Variants in AJAP1 observed in about 807,000 individuals in gnomAD.
AJAP1 encodes the protein adherens junction-associated protein 1.
In AJAP1, 5 loss-of-function variants were observed where a neutral mutation model predicts 35.0. The ratio of observed to expected loss-of-function variants is 0.14; its 90% CI spans 0.07 to 0.30. The LOEUF (loss-of-function observed/expected upper bound fraction) is 0.30. Among genes scored for constraint, AJAP1 ranks in the 10% least tolerant of loss-of-function variants. AJAP1 has a pLI of 1.00. For synonymous variants in AJAP1, 284 were observed against 249.3 expected, an observed-to-expected ratio of 1.14 and a Z score of -1.31; for missense variants, 586 against 571.0, an observed-to-expected ratio of 1.03 and a Z score of -0.27.
intron 2 of AJAP1, among the ~76,000 whole-genome samples, chr1:4,767,414 A>C (rs1305112759): frequency 6.7e-6 from 1 of 149,646 alleles, no homozygotes; most frequent in Non-Finnish European, 1.5e-5. Context: ...ACCACCACCA[A>C]CATCATCGTT....
At chr1:4,667,390 C>G (rs1047361986) in intron 1 of AJAP1, among the ~76,000 whole-genome samples, 7 of 152,198 alleles carry the variant, frequency 4.6e-5, no homozygotes, top group African/African-American at 1.7e-4. Context: ...TGGGGACCTT[C>G]TCACCTTACA....
intron 2 of AJAP1, among the ~76,000 whole-genome samples, chr1:4,748,320 A>G (rs1641239690): frequency 6.6e-6 from 1 of 152,038 alleles, no homozygotes; most frequent in South Asian, 2.1e-4. Flanking sequence ...TACATGCATG[A>G]TCTCCTGTTA....
intron 1 of AJAP1, among the ~76,000 whole-genome samples, chr1:4,662,248 C>T (rs1001647026): frequency 1.3e-5 from 2 of 152,186 alleles, no homozygotes; most frequent in Non-Finnish European, 2.9e-5. Context: ...TAGCAATCCC[C>T]GTTCCTGCCT....
At position 4,666,806 on chromosome 1, in the gene AJAP1, C is replaced by T. The variant is rs138431389; in HGVS notation, c.29+11352C>T. On this transcript the variant is annotated intron_variant, in intron 1 of 5. Coordinates refer to ENST00000378191, the MANE Select transcript of AJAP1 (RefSeq NM_018836.4). ...GGGCCCGTGAATCACGGAAGGGTTG[C>T]GGAGAGGGGCCCATGAATCACGGAG... Among the ~76,000 whole-genome samples the T allele has an allele frequency of 6.8e-3, 901 of 132,594 alleles. 39 individuals carry two copies. The highest frequency in any genetic ancestry group is 0.024 in the African/African-American group (799 of 32,822). 87.0% of individuals were successfully genotyped at this position (132,594 alleles called of 152,430 possible).
rs1268304461 is a variant in AJAP1, at chr1:4,656,022, C to T, written c.29+568C>T. Among the ~76,000 whole-genome samples, 3 of 152,032 alleles carry T rather than the reference C, an allele frequency of 2.0e-5. No homozygotes were observed. Among genetic ancestry groups the T allele is most frequent in the East Asian group, 1.9e-4 (1 of 5,146 alleles). On this transcript the variant is annotated intron_variant, in intron 1 of 5. Coordinates refer to ENST00000378191, the MANE Select transcript of AJAP1 (RefSeq NM_018836.4). The surrounding 1 kb of genome is among the most constrained non-coding windows in gnomAD (Gnocchi z 5.7). The stretch of plus-strand genomic sequence containing the variant: ...GACCCAGCTGTTTGCGGGTGACCTC[C>T]GGGCCCGACGGGCGCTCACAGCTGG...
chr1:4,669,227 G>A (rs976314469), intron 1 of AJAP1, among the ~76,000 whole-genome samples: 1 of 152,124 alleles, frequency 6.6e-6, no homozygotes, highest in Non-Finnish European at 1.5e-5. Context: ...CGTCCCCCTG[G>A]AAACCACTTA....
At chr1:4,669,165 G>T (rs1284141798) in intron 1 of AJAP1, among the ~76,000 whole-genome samples, 3 of 152,114 alleles carry the variant, frequency 2.0e-5, no homozygotes, top group Admixed American at 6.5e-5. Flanking sequence ...TTAGTTCCAA[G>T]ACCTTTTCAT....
At position 4,775,533 on chromosome 1, in the gene AJAP1, G is replaced by A. The variant is rs893486918; in HGVS notation, c.*59+975G>A. 5.9e-5 allele frequency among the ~76,000 whole-genome samples: 9 copies of A among 152,290 alleles called. 1 individual carries two copies. The highest frequency in any genetic ancestry group is 5.8e-4 in the East Asian group (3 of 5,174). On this transcript the variant is annotated intron_variant, in intron 5 of 5. Coordinates refer to ENST00000378191, the MANE Select transcript of AJAP1 (RefSeq NM_018836.4). ...ATGGACAAAGTCCTCAGGGGCCCGC[G>A]GACAGGGAAGGTCTGGAGGACTCAG... is the stretch of plus-strand genomic sequence containing the variant.
rs945274658 is a variant in AJAP1 at position 4,656,378 on chromosome 1, C to A, written c.29+924C>A. Among the ~76,000 whole-genome samples the A allele has an allele frequency of 6.6e-6, 1 of 152,190 alleles. No homozygotes were observed. The highest frequency in any genetic ancestry group is 1.5e-5 in the Non-Finnish European group (1 of 68,040). On this transcript the variant is annotated intron_variant, in intron 1 of 5. Coordinates refer to ENST00000378191, the MANE Select transcript of AJAP1 (RefSeq NM_018836.4). The surrounding 1 kb of genome is among the most constrained non-coding windows in gnomAD (Gnocchi z 5.7). ...CTCCTGCCGGGGCATTCACCGAGCTCGTGCATTTGGGTCCCGGGTTGGAAC... is the reference window on the plus strand; with the variant it reads ...CTCCTGCCGGGGCATTCACCGAGCTAGTGCATTTGGGTCCCGGGTTGGAAC...
chr1:4,675,848 C>T (rs16839447), intron 1 of AJAP1, among the ~76,000 whole-genome samples: 4,835 of 152,248 alleles, frequency 0.032, 261 homozygotes, highest in East Asian at 0.25. Flanking sequence ...ATGGTGTGGG[C>T]GGAAATTTTA....
Position 4,689,720 on chromosome 1 carries a change from C to T in AJAP1, c.30-22180C>T, listed in dbSNP as rs376372982. Among the ~76,000 whole-genome samples the T allele has an allele frequency of 7.9e-5, 12 of 152,344 alleles. No homozygotes were observed. The South Asian group carries it at 1.9e-3, about 24-fold the overall frequency. ...GAGTCATGAGCATCCGGCATGAGCA[C>T]GAGCGTGAACCCGCTTTCAAGCTGT... On this transcript the variant is annotated intron_variant, in intron 1 of 5. Coordinates refer to ENST00000378191, the MANE Select transcript of AJAP1 (RefSeq NM_018836.4).
intron 1 of AJAP1, among the ~76,000 whole-genome samples, chr1:4,674,717 A>G (rs1046035804): frequency 1.3e-5 from 2 of 152,070 alleles, no homozygotes; most frequent in Non-Finnish European, 2.9e-5. Flanking sequence ...AAGCTCTCAG[A>G]GCTCTAGTTC....
At chr1:4,701,306 G>A (rs1391529949) in intron 1 of AJAP1, among the ~76,000 whole-genome samples, 3 of 152,220 alleles carry the variant, frequency 2.0e-5, no homozygotes, top group African/African-American at 7.2e-5. Context: ...CAGGTGTACA[G>A]GTGGGAAAAC....
At chr1:4,713,319 G>T (rs1329978259) in intron 2 of AJAP1, among the ~76,000 whole-genome samples, 1 of 152,220 alleles carries the variant, frequency 6.6e-6, no homozygotes, top group Non-Finnish European at 1.5e-5. Flanking sequence ...GCACCTTTCG[G>T]CTCCCTGGGG....
At chr1:4,725,145 G>T (rs1223893612) in intron 2 of AJAP1, among the ~76,000 whole-genome samples, 1 of 152,210 alleles carries the variant, frequency 6.6e-6, no homozygotes, top group Non-Finnish European at 1.5e-5. Flanking sequence ...CTGGGTGTTG[G>T]GTGCAGACAG....
Position 4,774,431 on chromosome 1 carries a change from T to G in AJAP1, c.1168T>G (p.Ser390Ala), listed in dbSNP as rs377231270. 1.9e-6 allele frequency: 3 copies of G among 1,614,050 alleles called. No individual in the cohort carries two copies. The highest frequency in any genetic ancestry group is 1.3e-5 in the African/African-American group (1 of 74,940). ...CCATTTTTCTGTTCACCGCAGACCC[T>G]CCTCTTCTGATCGGCATCTTATTCC... ...YKSTFNGNRP[S>A]SSDRHLIPVA... is the part of the protein sequence containing the mutation. The change falls in exon 5 of 6, where the codon TCC becomes GCC. Residue 390 changes from serine (S) to alanine (A), a missense_variant. Ser to Ala is a moderately conservative substitution (Grantham distance 99, BLOSUM62 1). Coordinates refer to ENST00000378191, the MANE Select transcript of AJAP1 (RefSeq NM_018836.4).
chr1:4,768,725 C>T (rs1460194975), intron 2 of AJAP1, among the ~76,000 whole-genome samples: 1 of 152,190 alleles, frequency 6.6e-6, no homozygotes, highest in Non-Finnish European at 1.5e-5. Context: ...GGTGCTGCCA[C>T]CTGCGGGCTT....
At chr1:4,750,061 T>C (rs1641288044) in intron 2 of AJAP1, among the ~76,000 whole-genome samples, 1 of 152,140 alleles carries the variant, frequency 6.6e-6, no homozygotes, top group East Asian at 1.9e-4. Flanking sequence ...TGTATCTATA[T>C]ATGCCAGTGT....
At position 4,701,558 on chromosome 1, in the gene AJAP1, G is replaced by A. The variant is rs575641291; in HGVS notation, c.30-10342G>A. ...CGTGCCATCAGGTTTCCCAGCCTCG[G>A]CCCTCTGGTCTTTTGTGGTGGAGTC... On this transcript the variant is annotated intron_variant, in intron 1 of 5. Transcript: ENST00000378191. Among the ~76,000 whole-genome samples, 9 of 152,288 alleles carry A rather than the reference G, an allele frequency of 5.9e-5. No individual in the cohort carries two copies. The South Asian group carries it at 1.9e-3, about 32-fold the overall frequency.
Sources: gnomAD v4.1 joint callset for allele counts (sites outside exome capture counted in the v4.1 genomes callset) on GRCh38, gnomAD v4.1.1 for gene constraint, Gnocchi (gnomAD v3.1) non-coding constraint, MANE v1.5 for transcripts, NCBI Gene and HGNC (gene_info 2026-07-23, HGNC 2026-07-21) for gene names.